TENM3: variants seen among roughly 807,000 people sequenced by gnomAD.
The protein encoded by TENM3 is teneurin transmembrane protein 3, also known as teneurin-3.
Under a neutral mutation model 255.1 loss-of-function variants are expected in TENM3, and 63 were observed. That is an observed-to-expected ratio of 0.25 (90% CI 0.20 to 0.30). TENM3 has a LOEUF of 0.30. Ranked by LOEUF, TENM3 falls within the 10% of genes least tolerant of loss-of-function variation. The pLI, the probability that TENM3 is intolerant of heterozygous loss-of-function variation, is 1.00. For missense variants in TENM3, 2,929 were observed against 3,461.1 expected (o/e 0.85, Z 3.86); for synonymous variants, 1,306 against 1,322.3 (o/e 0.99, Z 0.27).
chr4:182,071,172 T>C, the TENM3 span, among the ~76,000 whole-genome samples: 1 of 152,220 alleles, frequency 6.6e-6, no homozygotes, highest in Non-Finnish European at 1.5e-5. Flanking sequence ...TTCATATAGA[T>C]GGATGTTTTA....
At chr4:182,182,011 G>A (rs1187338387) in intron 1 of TENM3, among the ~76,000 whole-genome samples, 1 of 151,938 alleles carries the variant, frequency 6.6e-6, no homozygotes, top group Non-Finnish European at 1.5e-5. Flanking sequence ...GATAGAAACA[G>A]TTTTCTGACT....
At chr4:182,138,247 G>C in the TENM3 span, among the ~76,000 whole-genome samples, 2 of 152,138 alleles carry the variant, frequency 1.3e-5, no homozygotes, top group Admixed American at 1.3e-4. Flanking sequence ...TTATCACGAC[G>C]AATCTTTGCA....
chr4:182,649,426 C>A (rs1209478763), intron 5 of TENM3, among the ~76,000 whole-genome samples: 3 of 150,396 alleles, frequency 2.0e-5, no homozygotes, highest in Admixed American at 1.3e-4. Flanking sequence ...CCTTGGATAA[C>A]ATTTTGGATA....
At chr4:182,365,346 T>C (rs1195232455) in intron 3 of TENM3, among the ~76,000 whole-genome samples, 2 of 152,188 alleles carry the variant, frequency 1.3e-5, no homozygotes, top group African/African-American at 2.4e-5. Flanking sequence ...CTTGTGTATA[T>C]GTGGCCTCGA....
chr4:181,833,769 C>T, the TENM3 span, among the ~76,000 whole-genome samples: 43 of 152,140 alleles, frequency 2.8e-4, 1 homozygote, highest in African/African-American at 9.4e-4. Context: ...ACAACTTGCA[C>T]TGACCCGTGT....
At chr4:181,946,483 A>G in the TENM3 span, among the ~76,000 whole-genome samples, 1 of 152,156 alleles carries the variant, frequency 6.6e-6, no homozygotes, top group Non-Finnish European at 1.5e-5. Flanking sequence ...GTGGCTCCCT[A>G]CACCTCTGAA....
chr4:181,943,723 GC>G, the TENM3 span, among the ~76,000 whole-genome samples: 1 of 152,040 alleles, frequency 6.6e-6, no homozygotes. Flanking sequence ...GAACACATAT[GC>G]AATTATATGC....
At position 182,265,273 on chromosome 4, in the gene TENM3, T is replaced by C. The variant is rs73869908; in HGVS notation, c.-76+21797T>C. Among the ~76,000 whole-genome samples, 1,389 of 152,266 alleles carry C rather than the reference T, an allele frequency of 9.1e-3. 20 individuals carry two copies. The highest frequency in any genetic ancestry group is 0.031 in the African/African-American group (1,301 of 41,546). On this transcript the variant is annotated intron_variant, in intron 1 of 27. Coordinates refer to ENST00000511685, the MANE Select transcript of TENM3 (RefSeq NM_001080477.4). ...GAAATATACTTTAAGGGATGGCTAA[T>C]AGTAGTGATAGAGGGATACTTGACT...
the TENM3 span, among the ~76,000 whole-genome samples, chr4:182,109,965 A>G: frequency 1.4e-4 from 22 of 152,000 alleles, no homozygotes; most frequent in African/African-American, 5.3e-4. Flanking sequence ...TTAGGGGAAA[A>G]ATGAATAAAA....
the TENM3 span, among the ~76,000 whole-genome samples, chr4:181,748,956 AC>A: frequency 6.6e-6 from 1 of 152,132 alleles, no homozygotes; most frequent in African/African-American, 2.4e-5. Flanking sequence ...CATAAGTCAA[AC>A]ATATTTTTTA....
the TENM3 span, among the ~76,000 whole-genome samples, chr4:181,833,880 G>T: frequency 1.1e-4 from 17 of 152,198 alleles, no homozygotes; most frequent in African/African-American, 3.9e-4. Context: ...CTGTCTACCT[G>T]GTTCCTAACA....
intron 1 of TENM3, among the ~76,000 whole-genome samples, chr4:182,171,285 T>G (rs756305032): frequency 6.6e-6 from 1 of 152,196 alleles, no homozygotes; most frequent in Non-Finnish European, 1.5e-5. Context: ...ATTTAATTAG[T>G]CTATGAGCCC....
At chr4:181,532,134 C>G in the TENM3 span, among the ~76,000 whole-genome samples, 1 of 152,076 alleles carries the variant, frequency 6.6e-6, no homozygotes, top group Non-Finnish European at 1.5e-5. Flanking sequence ...GTCCCACCGG[C>G]TGGGTTTTAT....
chr4:182,330,312 G>T lies in TENM3; in HGVS notation c.232+6060G>T, dbSNP rs572209717. 3.3e-5 allele frequency among the ~76,000 whole-genome samples: 5 copies of T among 152,320 alleles called. No homozygotes were observed. The South Asian group carries it at 1.0e-3, about 32-fold the overall frequency. The stretch of plus-strand genomic sequence containing the variant: ...TTTGTGTGAGGTTGGATGAAGAGGG[G>T]ACAGTCATGGGGAAGTGTGATTGAA... On this transcript the variant is annotated intron_variant, in intron 2 of 27. Transcript: ENST00000511685.
the TENM3 span, among the ~76,000 whole-genome samples, chr4:181,845,803 T>G: frequency 6.6e-6 from 1 of 152,342 alleles, no homozygotes; most frequent in African/African-American, 2.4e-5. Flanking sequence ...AAAGACATAT[T>G]AGTCATTACT....
intron 1 of TENM3, among the ~76,000 whole-genome samples, chr4:182,164,472 G>A (rs997613871): frequency 1.3e-5 from 2 of 152,182 alleles, no homozygotes; most frequent in Non-Finnish European, 2.9e-5. Flanking sequence ...ATCTGGACTG[G>A]ATTTGCACGG....
At chr4:182,245,528 T>G (rs1197077551) in intron 1 of TENM3, among the ~76,000 whole-genome samples, 3 of 152,216 alleles carry the variant, frequency 2.0e-5, no homozygotes, top group Non-Finnish European at 4.4e-5. Flanking sequence ...GTCTCCTAAA[T>G]GAAGGCAGCG....
the TENM3 span, among the ~76,000 whole-genome samples, chr4:181,747,733 T>C: frequency 6.6e-6 from 1 of 152,024 alleles, no homozygotes; most frequent in Admixed American, 6.6e-5. Context: ...CTTGAAAAAG[T>C]CTTATCAACT....
At chr4:182,379,364 A>G (rs997405984) in intron 3 of TENM3, among the ~76,000 whole-genome samples, 3 of 152,122 alleles carry the variant, frequency 2.0e-5, no homozygotes, top group African/African-American at 4.8e-5. Context: ...CTAAGAAAGA[A>G]AAAAGGGTAT....
Sources: allele counts gnomAD v4.1 joint callset (sites outside exome capture counted in the v4.1 genomes callset), GRCh38; gene constraint gnomAD v4.1.1; transcripts MANE v1.5; gene names NCBI Gene and HGNC (gene_info 2026-07-23, HGNC 2026-07-21).